Variants in NXN observed in about 807,000 individuals in gnomAD.
NXN encodes nucleoredoxin, also known as nucleoredoxin 1.
A neutral mutation model predicts 48.6 loss-of-function variants in NXN; 16 were observed. The observed-to-expected ratio is 0.33, with a 90% CI of 0.22 to 0.50. The LOEUF (loss-of-function observed/expected upper bound fraction) is 0.50, where lower values mean the gene tolerates loss of function less well. NXN is among the 20% of genes least tolerant of loss of function. NXN has a pLI of 0.98. For synonymous variants in NXN, 281 were observed against 269.6 expected, an observed-to-expected ratio of 1.04 and a Z score of -0.41; for missense variants, 492 against 605.5, an observed-to-expected ratio of 0.81 and a Z score of 1.97.
intron 1 of NXN, among the ~76,000 whole-genome samples, chr17:881,026 G>A (rs2144835833): frequency 6.6e-6 from 1 of 152,166 alleles, no homozygotes; most frequent in African/African-American, 2.4e-5. Context: ...CAGGCTCTGG[G>A]AGTGCACACT....
At position 956,030 on chromosome 17, in the gene NXN, CTG is replaced by C. The variant is rs143448011; in HGVS notation, c.360+23287_360+23288del. Among the ~76,000 whole-genome samples, 5,021 of 152,262 alleles carry C rather than the reference CTG, an allele frequency of 0.033. 142 individuals are homozygous for C. The highest frequency in any genetic ancestry group is 0.078 in the African/African-American group (3,226 of 41,550). On this transcript the variant is annotated intron_variant, in intron 1 of 7. Coordinates refer to ENST00000336868, the MANE Select transcript of NXN (RefSeq NM_022463.5). The surrounding 1 kb of genome is among the most constrained non-coding windows in gnomAD (Gnocchi z 4.1). ...CAGTTTCCCTGCCTGTCAAAGAAGA[CTG>C]TGGCCACATAATCCCCCTGTCCTTT...
chr17:978,830 C>G lies in NXN; in HGVS notation c.360+489G>C, dbSNP rs1597295953. On this transcript the variant is annotated intron_variant, in intron 1 of 7. Transcript: ENST00000336868. The surrounding 1 kb of genome is among the most constrained non-coding windows in gnomAD (Gnocchi z 4.1). ...TGGTTTGGGCGCCACGGGCGGGGGGCGTGCGCCCTCCCCTCCCCTCCCCTC... is the reference window on the plus strand; with the variant it reads ...TGGTTTGGGCGCCACGGGCGGGGGGGGTGCGCCCTCCCCTCCCCTCCCCTC... 1.3e-5 allele frequency among the ~76,000 whole-genome samples: 2 copies of G among 151,310 alleles called. No individual in the cohort carries two copies. The highest frequency in any genetic ancestry group is 4.0e-4 in the East Asian group (2 of 5,030).
At chr17:957,270 TC>T (rs1319200970) in intron 1 of NXN, among the ~76,000 whole-genome samples, 1 of 150,778 alleles carries the variant, frequency 6.6e-6, no homozygotes, top group African/African-American at 2.4e-5. Context: ...TAGAGGAACT[TC>T]CTCTACTTCA....
chr17:830,924 C>T lies in NXN; in HGVS notation c.361-4846G>A, dbSNP rs895982447. 3.5e-4 allele frequency among the ~76,000 whole-genome samples: 53 copies of T among 150,214 alleles called. No homozygotes were observed. The highest frequency in any genetic ancestry group is 1.1e-3 in the African/African-American group (45 of 40,818). On this transcript the variant is annotated intron_variant, in intron 1 of 7. Transcript: ENST00000336868. The surrounding 1 kb of genome is among the most constrained non-coding windows in gnomAD (Gnocchi z 4.2). ...CTGAGGCAGGAGAATCACTTGAACC[C>T]GGGAGGCGGAGGTTGCTGTGAGCCG...
intron 6 of NXN, among the ~76,000 whole-genome samples, chr17:804,630 GGAGGTGCAAGC>G (rs1911387156): frequency 6.6e-6 from 1 of 152,170 alleles, no homozygotes; most frequent in Non-Finnish European, 1.5e-5. Flanking sequence ...TGGGAGACGG[GGAGGTGCAAGC>G]GAGGACAAAG....
rs1316642302 is a variant in NXN, at chr17:958,224, G to T, written c.360+21095C>A. Among the ~76,000 whole-genome samples the T allele has an allele frequency of 6.6e-6, 1 of 152,200 alleles. No individual in the cohort carries two copies. Among genetic ancestry groups the T allele is most frequent in the Non-Finnish European group, 1.5e-5 (1 of 68,046 alleles). On this transcript the variant is annotated intron_variant, in intron 1 of 7. Transcript: ENST00000336868. The surrounding 1 kb of genome is among the most constrained non-coding windows in gnomAD (Gnocchi z 6.9). ...TTTCCAGAAGGCTTTTCTTGCAGGA[G>T]GTGGCTGCCAGCTTGTCCCTTCCCC... is the stretch of plus-strand genomic sequence containing the variant.
intron 5 of NXN, among the ~76,000 whole-genome samples, chr17:817,002 A>G (rs531687185): frequency 2.6e-4 from 40 of 152,312 alleles, no homozygotes; most frequent in South Asian, 2.1e-3. Flanking sequence ...CTTCTGGTCC[A>G]CTAGGCAACA....
chr17:976,071 G>A (rs1297486546), intron 1 of NXN, among the ~76,000 whole-genome samples: 3 of 149,810 alleles, frequency 2.0e-5, no homozygotes, highest in African/African-American at 7.7e-5. Flanking sequence ...TTTGGAAGCT[G>A]AAATAATATG....
intron 1 of NXN, among the ~76,000 whole-genome samples, chr17:897,209 A>G (rs2068496225): frequency 6.6e-6 from 1 of 152,176 alleles, no homozygotes; most frequent in Non-Finnish European, 1.5e-5. Flanking sequence ...CTGTCCTGGG[A>G]AAGGGAGGCA....
chr17:967,550 T>C (rs1244280517), intron 1 of NXN, among the ~76,000 whole-genome samples: 1 of 152,104 alleles, frequency 6.6e-6, no homozygotes, highest in Non-Finnish European at 1.5e-5. Flanking sequence ...TTCAGGAATG[T>C]GGCAAGGAGG....
At chr17:822,846 C>A (rs367871186) in intron 3 of NXN, among the ~76,000 whole-genome samples, 6 of 152,280 alleles carry the variant, frequency 3.9e-5, no homozygotes, top group African/African-American at 1.4e-4. Flanking sequence ...ACGCCTGTCA[C>A]CCCAGCACTT....
Position 979,147 on chromosome 17 carries a change from G to A in NXN, c.360+172C>T, listed in dbSNP as rs1198940414. 5.6e-5 allele frequency among the ~76,000 whole-genome samples: 5 copies of A among 89,824 alleles called. No individual in the cohort carries two copies. The East Asian group carries it at 1.7e-3, about 30-fold the overall frequency. 58.9% of individuals were successfully genotyped at this position (89,824 alleles called of 152,430 possible). On this transcript the variant is annotated intron_variant, in intron 1 of 7. Transcript: ENST00000336868. ...AGGCGGGGACGGCGGGGTGGGGGGC[G>A]GGGAGAGGACAGTGGGTCGGGGGGC...
intron 1 of NXN, among the ~76,000 whole-genome samples, chr17:967,504 A>C (rs1434240658): frequency 6.6e-6 from 1 of 152,212 alleles, no homozygotes; most frequent in African/African-American, 2.4e-5. Context: ...GATATTCTAC[A>C]CACCTAGATA....
intron 5 of NXN, among the ~76,000 whole-genome samples, chr17:805,799 C>T (rs1195074289): frequency 6.6e-6 from 1 of 152,152 alleles, no homozygotes; most frequent in Non-Finnish European, 1.5e-5. Context: ...GATTGCACCA[C>T]TGCACTCCAG....
chr17:842,446 G>T, intron 1 of NXN: 1 of 904,648 alleles, frequency 1.1e-6, no homozygotes, highest in Non-Finnish European at 1.3e-6. Context: ...GCAGTTCCGT[G>T]ATCCCGGCGG....
At chr17:811,987 GCA>G in intron 5 of NXN, among the ~76,000 whole-genome samples, 1 of 138,254 alleles carries the variant, frequency 7.2e-6, no homozygotes, top group African/African-American at 2.8e-5. Flanking sequence ...GAGTGCAGTG[GCA>G]AGATCTCGGC....
chr17:807,525 CCT>C (rs1911633386), intron 5 of NXN, among the ~76,000 whole-genome samples: 2 of 152,244 alleles, frequency 1.3e-5, no homozygotes, highest in Admixed American at 6.5e-5. Flanking sequence ...GTGGCTGCAG[CCT>C]CTTTTGAGTC....
intron 1 of NXN, chr17:908,021 C>T (rs1035028737): frequency 6.6e-6 from 1 of 152,144 alleles, no homozygotes; most frequent in Non-Finnish European, 1.5e-5. Context: ...TCTAGAGACA[C>T]CTGTGGTCTG....
At chr17:838,123 C>CTTATTTTTTTTTTTTTTTTTTT (rs1196301886) in intron 1 of NXN, among the ~76,000 whole-genome samples, 3 of 125,932 alleles carry the variant, frequency 2.4e-5, no homozygotes, top group Non-Finnish European at 3.3e-5. Flanking sequence ...TTTTCCTTTC[C>CTTATTTTTTTTTTTTTTTTTTT]TTCTTTTTTT....
Sources: allele counts gnomAD v4.1 joint callset (sites outside exome capture counted in the v4.1 genomes callset), GRCh38; gene constraint gnomAD v4.1.1; non-coding constraint Gnocchi (gnomAD v3.1); transcripts MANE v1.5; gene names NCBI Gene and HGNC (gene_info 2026-07-23, HGNC 2026-07-21).